Variants in SCN7A observed in about 807,000 individuals in gnomAD.
SCN7A encodes sodium voltage-gated channel alpha subunit 7.
In SCN7A, 138 loss-of-function variants were observed where a neutral mutation model predicts 155.2. The observed-to-expected ratio is 0.89, with a 90% CI of 0.77 to 1.02. The LOEUF is 1.02. Ranked by LOEUF, SCN7A falls within the 50% of genes least tolerant of loss-of-function variation. The pLI, the probability that SCN7A is intolerant of heterozygous loss-of-function variation, is 0.00. For missense variants in SCN7A, 2,058 were observed against 1,986.6 expected (o/e 1.04, Z -0.68); for synonymous variants, 693 against 649.0 (o/e 1.07, Z -1.03).
At position 166,425,103 on chromosome 2, in the gene SCN7A, T is replaced by C. The variant is rs1421147811; in HGVS notation, c.2854-1671A>G. The stretch of plus-strand genomic sequence containing the variant: ...CTCCCTTTTGTCACTCAAGGTGAAA[T>C]TGCGCGGTGCAGTCTGGGCTCCAGA... On this transcript the variant is annotated intron_variant, in intron 18 of 25. Transcript: ENST00000643258. Among the ~76,000 whole-genome samples the C allele has an allele frequency of 8.5e-5, 13 of 152,166 alleles. 1 individual carries two copies. The East Asian group carries it at 1.6e-3, about 18-fold the overall frequency.
At chr2:166,446,743 C>T (rs1192994998) in intron 12 of SCN7A, among the ~76,000 whole-genome samples, 1 of 152,124 alleles carries the variant, frequency 6.6e-6, no homozygotes, top group African/African-American at 2.4e-5. Flanking sequence ...AGCTGGAAAC[C>T]ATCATTCTCA....
chr2:166,468,734 T>C (rs1004769093), intron 7 of SCN7A, among the ~76,000 whole-genome samples: 1 of 151,916 alleles, frequency 6.6e-6, no homozygotes, highest in Non-Finnish European at 1.5e-5. Flanking sequence ...GTTTGAGAAC[T>C]CTTGTATAGC....
chr2:166,465,658 T>C (rs1395159580), intron 8 of SCN7A, 123 bp downstream of exon 8: 5 of 1,275,706 alleles, frequency 3.9e-6, no homozygotes, highest in Non-Finnish European at 5.6e-6. Flanking sequence ...GCAAATATCC[T>C]TGCCTTTCAA....
chr2:166,438,615 A>G (rs560842717), intron 15 of SCN7A, among the ~76,000 whole-genome samples: 2 of 152,304 alleles, frequency 1.3e-5, no homozygotes, highest in East Asian at 3.9e-4. Context: ...GAAGAGTAAG[A>G]CAAAATTAAT....
rs1701080972 is a variant in SCN7A at position 166,406,576 on chromosome 2, T to C, written c.4053A>G (p.Ser1351=). 2.5e-6 allele frequency: 4 copies of C among 1,612,634 alleles called. No individual in the cohort carries two copies. The highest frequency in any genetic ancestry group is 3.4e-6 in the Non-Finnish European group (4 of 1,179,170). The change falls in exon 26 of 26, where the codon TCA becomes TCG. Residue 1351 remains serine, a synonymous_variant. Transcript: ENST00000643258. ...PPSLVQLILL[S]RIIHMLRLGK... ...CAAGACGCAGCATGTGAATGATCCG[T>C]GAGAGAAGTATCAGTTGCACAAGTG... is the stretch of plus-strand genomic sequence containing the variant.
intron 15 of SCN7A, 107 bp downstream of exon 15, chr2:166,441,289 G>T (rs1701953972): frequency 1.4e-6 from 1 of 736,868 alleles, no homozygotes; most frequent in Non-Finnish European, 2.2e-6. Context: ...TTACTCTATT[G>T]GACTACCACA....
intron 9 of SCN7A, among the ~76,000 whole-genome samples, chr2:166,463,475 T>C (rs970893929): frequency 6.6e-6 from 1 of 152,218 alleles, no homozygotes; most frequent in Non-Finnish European, 1.5e-5. Flanking sequence ...GTATTGTTGT[T>C]GTCTTGTTGT....
At chr2:166,414,952 ATAT>A (rs1460022614) in intron 21 of SCN7A, among the ~76,000 whole-genome samples, 34 of 97,932 alleles carry the variant, frequency 3.5e-4, no homozygotes, top group African/African-American at 1.3e-3. Context: ...TATATAATAT[ATAT>A]TATTATATAG....
At chr2:166,414,230 AT>A (rs1701294217) in intron 21 of SCN7A, among the ~76,000 whole-genome samples, 3 of 95,750 alleles carry the variant, frequency 3.1e-5, no homozygotes, top group Non-Finnish European at 6.0e-5. Flanking sequence ...ATAAATATAT[AT>A]ATCTATATAT....
intron 21 of SCN7A, chr2:166,414,849 GATAT>G (rs1202865324): frequency 9.5e-6 from 1 of 105,464 alleles, no homozygotes; most frequent in African/African-American, 3.7e-5. Flanking sequence ...TAATATATAG[GATAT>G]ATAATATATA....
rs1339842036 is a variant in SCN7A at position 166,423,306 on chromosome 2, C to G, written c.2980G>C (p.Ala994Pro). The change falls in exon 19 of 26, where the codon GCC (alanine) becomes CCC (proline). Residue 994 changes from alanine (A) to proline (P), a missense_variant. Ala to Pro is a conservative substitution (Grantham distance 27). Coordinates refer to ENST00000643258, the MANE Select transcript of SCN7A (RefSeq NM_002976.4). ...LLKWMAYGFK[A>P]YFSNGWYRLD... ...CTGTACCAGCCATTAGAGAAATAGG[C>G]CTTAAAACCATATGCCATCCATTTT... 6.2e-7 allele frequency: 1 copy of G among 1,612,082 alleles called. No homozygotes were observed. Among genetic ancestry groups the G allele is most frequent in the East Asian group, 2.2e-5 (1 of 44,782 alleles).
At chr2:166,482,933 T>A (rs1702962881) in intron 2 of SCN7A, among the ~76,000 whole-genome samples, 1 of 152,056 alleles carries the variant, frequency 6.6e-6, no homozygotes, top group Non-Finnish European at 1.5e-5. Flanking sequence ...TGGTGAGCCA[T>A]CTTAATACAG....
At chr2:166,446,945 A>G (rs777068238) in intron 12 of SCN7A, among the ~76,000 whole-genome samples, 6 of 152,162 alleles carry the variant, frequency 3.9e-5, no homozygotes, top group Non-Finnish European at 8.8e-5. Flanking sequence ...GACCTGGATG[A>G]TGGGTTGATG....
chr2:166,448,525 C>T (rs1575036004), intron 11 of SCN7A, among the ~76,000 whole-genome samples: 3 of 152,136 alleles, frequency 2.0e-5, no homozygotes, highest in South Asian at 4.1e-4. Flanking sequence ...TTTGAGGAAC[C>T]TCCATACTGT....
intron 10 of SCN7A, among the ~76,000 whole-genome samples, chr2:166,458,696 A>G (rs994650327): frequency 5.9e-5 from 9 of 152,106 alleles, no homozygotes; most frequent in African/African-American, 1.9e-4. Context: ...CAGTGTTCCA[A>G]TTGCCTACAG....
intron 10 of SCN7A, among the ~76,000 whole-genome samples, chr2:166,458,154 C>G (rs1702325760): frequency 6.6e-6 from 1 of 151,808 alleles, no homozygotes; most frequent in Admixed American, 6.6e-5. Context: ...TTGCAAATCC[C>G]ATCTCTACTA....
chr2:166,445,128 C>A, intron 12 of SCN7A, 128 bp from the exon 13 acceptor site: 1 of 612,800 alleles, frequency 1.6e-6, no homozygotes, highest in South Asian at 2.0e-5. Context: ...CCAGCCTGGT[C>A]AATATAGTGA....
intron 20 of SCN7A, among the ~76,000 whole-genome samples, chr2:166,418,274 C>T (rs566493146): frequency 4.2e-5 from 6 of 142,912 alleles, no homozygotes; most frequent in Non-Finnish European, 9.0e-5. Context: ...GCACACGCCA[C>T]CCCGCCAGGC....
In SCN7A at chr2:166,435,263, G is replaced by A. The variant is rs187938093; in HGVS notation, c.2158-2511C>T. Among the ~76,000 whole-genome samples the A allele has an allele frequency of 9.2e-5, 14 of 152,074 alleles. No homozygotes were observed. The East Asian group carries it at 2.3e-3, about 25-fold the overall frequency. The stretch of plus-strand genomic sequence containing the variant: ...AAAGGAAAAGACAGGCTGTGTAAGT[G>A]GCGCAAGTTACAGAGAACTGATTAC... On this transcript the variant is annotated intron_variant, in intron 15 of 25. Transcript: ENST00000643258.
Sources: gnomAD v4.1 joint callset for allele counts (sites outside exome capture counted in the v4.1 genomes callset) on GRCh38, gnomAD v4.1.1 for gene constraint, MANE v1.5 for transcripts, NCBI Gene and HGNC (gene_info 2026-07-23, HGNC 2026-07-21) for gene names.